Variants in KCND3 observed in about 807,000 individuals in gnomAD.
KCND3 encodes potassium voltage-gated channel subfamily D member 3.
A neutral mutation model predicts 51.1 loss-of-function variants in KCND3; 9 were observed. The ratio of observed to expected loss-of-function variants is 0.18; its 90% CI spans 0.11 to 0.31. KCND3 has a LOEUF of 0.31. Among genes scored for constraint, KCND3 ranks in the 10% least tolerant of loss-of-function variants. The pLI is 1.00. For synonymous variants in KCND3, 349 were observed against 368.0 expected (o/e 0.95, Z 0.59); for missense variants, 526 against 903.8 (o/e 0.58, Z 5.36).
chr1:111,812,738 T>A (rs769749991), intron 2 of KCND3, among the ~76,000 whole-genome samples: 22 of 152,166 alleles, frequency 1.4e-4, no homozygotes, highest in Non-Finnish European at 2.2e-4. Flanking sequence ...CTGCTTCACA[T>A]GAGTATCTGA....
intron 2 of KCND3, among the ~76,000 whole-genome samples, chr1:111,816,162 T>TCGGC (rs2101586117): frequency 6.6e-6 from 1 of 152,312 alleles, no homozygotes; most frequent in African/African-American, 2.4e-5. Flanking sequence ...GGCCCAAAGC[T>TCGGC]CGGCCGGGTG....
In KCND3 at chr1:111,780,251, G is replaced by T. The variant is rs1664314080; in HGVS notation, c.1435C>A (p.Leu479Met). Residue 479 changes from leucine to methionine, a missense_variant, in exon 5 of 8, where the codon CTG becomes ATG. Leu to Met is a conservative substitution (Grantham distance 15). Coordinates refer to ENST00000302127, the MANE Select transcript of KCND3 (RefSeq NM_001378969.1). The surrounding 1 kb of genome is among the most constrained non-coding windows in gnomAD (Gnocchi z 4.2). The stretch of plus-strand genomic sequence containing the variant: ...GTGGTTTTTTCCAGGCAGTGCAGCA[G>T]GTGATGATGCTGGCTCTCGATGAGT... ...TSLIESQHHH[L>M]LHCLEKTTGL... The T allele has an allele frequency of 1.3e-6, 2 of 1,591,424 alleles. No homozygotes were observed. Among genetic ancestry groups the T allele is most frequent in the Non-Finnish European group, 1.7e-6 (2 of 1,168,224 alleles).
At chr1:111,805,487 G>C (rs1253498651) in intron 2 of KCND3, among the ~76,000 whole-genome samples, 2 of 152,226 alleles carry the variant, frequency 1.3e-5, no homozygotes, top group African/African-American at 2.4e-5. Context: ...CTCACAGTCA[G>C]ACTGACACAT....
chr1:111,843,594 C>A (rs1429963811), intron 2 of KCND3, among the ~76,000 whole-genome samples: 1 of 152,184 alleles, frequency 6.6e-6, no homozygotes, highest in East Asian at 1.9e-4. Flanking sequence ...ACTTCAGGAG[C>A]CAGTGAAGCC....
intron 2 of KCND3, among the ~76,000 whole-genome samples, chr1:111,816,182 G>C (rs1666082333): frequency 6.6e-6 from 1 of 152,266 alleles, no homozygotes; most frequent in Non-Finnish European, 1.5e-5. Flanking sequence ...GTGGCCAGGA[G>C]GCAAACCCCT....
At chr1:111,827,323 C>T (rs1666623698) in intron 2 of KCND3, among the ~76,000 whole-genome samples, 1 of 152,212 alleles carries the variant, frequency 6.6e-6, no homozygotes, top group African/African-American at 2.4e-5. Flanking sequence ...GCTGGTGCAG[C>T]CTAGGGGTGG....
In KCND3 at chr1:111,904,210, A is replaced by G. The variant is rs1211027312; in HGVS notation, c.1106+77411T>C. Among the ~76,000 whole-genome samples, 3 of 151,810 alleles carry G rather than the reference A, an allele frequency of 2.0e-5. No individual in the cohort carries two copies. The East Asian group carries it at 5.8e-4, about 30-fold the overall frequency. ...GACATTACTCTAGGACCCGGGGCAA[A>G]GGCTCAGTTGCCCTGGGCTCTGCCT... On this transcript the variant is annotated intron_variant, in intron 2 of 7. Coordinates refer to ENST00000302127, the MANE Select transcript of KCND3 (RefSeq NM_001378969.1).
intron 2 of KCND3, among the ~76,000 whole-genome samples, chr1:111,791,926 A>G (rs1425052269): frequency 1.3e-5 from 2 of 152,244 alleles, no homozygotes; most frequent in Non-Finnish European, 2.9e-5. Context: ...AGAGGCTGTT[A>G]AAAACCTAAT....
chr1:111,963,321 T>C (rs1673775947), intron 2 of KCND3, among the ~76,000 whole-genome samples: 1 of 152,234 alleles, frequency 6.6e-6, no homozygotes, highest in African/African-American at 2.4e-5. Flanking sequence ...AAGGAGAATA[T>C]TGTGAACCTG....
chr1:111,927,741 C>G (rs1671775819), intron 2 of KCND3, among the ~76,000 whole-genome samples: 1 of 152,182 alleles, frequency 6.6e-6, no homozygotes, highest in African/African-American at 2.4e-5. Flanking sequence ...AAAGAACAGC[C>G]CTGCCCTAGG....
At chr1:111,856,599 C>T (rs976242546) in intron 2 of KCND3, among the ~76,000 whole-genome samples, 1 of 152,260 alleles carries the variant, frequency 6.6e-6, no homozygotes, top group Non-Finnish European at 1.5e-5. Context: ...TCCTGAGCCT[C>T]TGCCCGACTT....
Position 111,829,255 on chromosome 1 carries a change from C to T in KCND3, c.1107-42149G>A, listed in dbSNP as rs190189058. On this transcript the variant is annotated intron_variant, in intron 2 of 7. Transcript: ENST00000302127. Reference sequence around the variant, plus strand: ...AATGAAAGGGGATGCTAGAGCAGGTCTTGAAGAATGAGTAGGAATTTCTTA... The same window carrying T: ...AATGAAAGGGGATGCTAGAGCAGGTTTTGAAGAATGAGTAGGAATTTCTTA... 1.3e-3 allele frequency among the ~76,000 whole-genome samples: 199 copies of T among 152,212 alleles called. 1 individual carries two copies. The highest frequency in any genetic ancestry group is 2.9e-3 in the South Asian group (14 of 4,812).
intron 2 of KCND3, among the ~76,000 whole-genome samples, chr1:111,852,909 GC>G (rs1174316938): frequency 6.6e-6 from 1 of 152,082 alleles, no homozygotes; most frequent in Non-Finnish European, 1.5e-5. Flanking sequence ...CTCTCCCACA[GC>G]ACCCTTTCCC....
At chr1:111,923,924 G>T (rs191902435) in intron 2 of KCND3, among the ~76,000 whole-genome samples, 33 of 152,348 alleles carry the variant, frequency 2.2e-4, no homozygotes, top group African/African-American at 7.9e-4. Flanking sequence ...GCTGGGCAGA[G>T]GGCATGGGAG....
intron 2 of KCND3, among the ~76,000 whole-genome samples, chr1:111,807,612 G>A (rs184925982): frequency 3.0e-4 from 45 of 152,322 alleles, no homozygotes; most frequent in African/African-American, 3.4e-4. Context: ...GGAAGCAGAC[G>A]TTGCAGTGAG....
chr1:111,953,585 A>T (rs997128281), intron 2 of KCND3, among the ~76,000 whole-genome samples: 1 of 152,210 alleles, frequency 6.6e-6, no homozygotes, highest in Non-Finnish European at 1.5e-5. Flanking sequence ...AACCTGCCCA[A>T]CTGAGAAGGG....
At chr1:111,928,290 G>A (rs903735622) in intron 2 of KCND3, among the ~76,000 whole-genome samples, 2 of 152,078 alleles carry the variant, frequency 1.3e-5, no homozygotes, top group Non-Finnish European at 2.9e-5. Flanking sequence ...GAAAGTGAAC[G>A]GGCCCTGGAG....
At chr1:111,786,441 C>G (rs1254615167) in intron 3 of KCND3, among the ~76,000 whole-genome samples, 1 of 152,206 alleles carries the variant, frequency 6.6e-6, no homozygotes, top group Non-Finnish European at 1.5e-5. Flanking sequence ...TGCCTTTGCC[C>G]TATGATATCT....
intron 2 of KCND3, among the ~76,000 whole-genome samples, chr1:111,845,459 C>T (rs758837523): frequency 6.6e-6 from 1 of 152,192 alleles, no homozygotes; most frequent in Non-Finnish European, 1.5e-5. Context: ...TATCCAGTAG[C>T]TCCACTCACT....
Sources: allele counts gnomAD v4.1 joint callset (sites outside exome capture counted in the v4.1 genomes callset), GRCh38; gene constraint gnomAD v4.1.1; non-coding constraint Gnocchi (gnomAD v3.1); transcripts MANE v1.5; gene names NCBI Gene and HGNC (gene_info 2026-07-23, HGNC 2026-07-21).